ECT2L: variants seen among roughly 807,000 people sequenced by gnomAD.
ECT2L encodes epithelial cell-transforming sequence 2 oncogene-like.
In ECT2L, 126 loss-of-function variants were observed where a neutral mutation model predicts 122.8. The ratio of observed to expected loss-of-function variants is 1.03; its 90% confidence interval spans 0.89 to 1.19. The LOEUF is 1.19. Among genes scored for constraint, ECT2L ranks in the 50% most tolerant of loss-of-function variants. ECT2L has a pLI of 0.00. For synonymous variants in ECT2L, 385 were observed against 381.8 expected, an observed-to-expected ratio of 1.01 and a Z score of -0.10; for missense variants, 1,012 against 1,064.1, an observed-to-expected ratio of 0.95 and a Z score of 0.68.
chr6:138,804,857 T>C (rs184185898), intron 1 of ECT2L, among the ~76,000 whole-genome samples: 7 of 152,310 alleles, frequency 4.6e-5, no homozygotes, highest in Non-Finnish European at 5.9e-5. Flanking sequence ...AACTTCTTGA[T>C]TGAAATACAG....
intron 4 of ECT2L, among the ~76,000 whole-genome samples, chr6:138,831,513 T>A (rs1776647503): frequency 6.6e-6 from 1 of 152,170 alleles, no homozygotes; most frequent in Non-Finnish European, 1.5e-5. Flanking sequence ...GACATTGCCA[T>A]CTACCTAGGA....
At chr6:138,838,184 G>A (rs974394394) in intron 4 of ECT2L, among the ~76,000 whole-genome samples, 168 bp from the exon 5 acceptor site, 2 of 152,170 alleles carry the variant, frequency 1.3e-5, no homozygotes, top group Admixed American at 6.5e-5. Context: ...TTACAAGCAT[G>A]AGCCACGGCA....
At chr6:138,819,107 T>G (rs539292266) in intron 4 of ECT2L, among the ~76,000 whole-genome samples, 2 of 152,236 alleles carry the variant, frequency 1.3e-5, no homozygotes, top group Non-Finnish European at 2.9e-5. Flanking sequence ...TCATCTTCAC[T>G]TCCTTCCCCT....
intron 4 of ECT2L, chr6:138,823,129 A>G: frequency 6.8e-7 from 1 of 1,460,490 alleles, no homozygotes. Flanking sequence ...TCTGGAATGC[A>G]GTTTCTGGCT....
At chr6:138,848,212 C>T (rs1458014623) in intron 8 of ECT2L, among the ~76,000 whole-genome samples, 1 of 152,110 alleles carries the variant, frequency 6.6e-6, no homozygotes, top group African/African-American at 2.4e-5. Flanking sequence ...CAAAGCCAAA[C>T]CATATCAGTG....
intron 20 of ECT2L, among the ~76,000 whole-genome samples, chr6:138,896,717 G>A (rs979774070): frequency 1.3e-5 from 2 of 152,038 alleles, no homozygotes; most frequent in African/African-American, 2.4e-5. Context: ...GCGTGATCTC[G>A]GCTCACTGCA....
intron 20 of ECT2L, among the ~76,000 whole-genome samples, chr6:138,890,492 C>CTTTTTTTT (rs552594959): frequency 0.015 from 1,200 of 78,844 alleles, 108 homozygotes; most frequent in South Asian, 0.025. Context: ...TTTCTTTGAT[C>CTTTTTTTT]TTTTTTTTTT....
At chr6:138,893,990 G>A (rs1185090473) in intron 20 of ECT2L, among the ~76,000 whole-genome samples, 1 of 152,204 alleles carries the variant, frequency 6.6e-6, no homozygotes, top group African/African-American at 2.4e-5. Context: ...AAAAGCTGTT[G>A]ATTCTGAGTT....
At chr6:138,847,291 A>C (rs1419027833) in intron 8 of ECT2L, among the ~76,000 whole-genome samples, 1 of 147,256 alleles carries the variant, frequency 6.8e-6, no homozygotes, top group African/African-American at 2.5e-5. Context: ...ACAAACAAAA[A>C]CCCCAGAAGC....
At chr6:138,858,243 A>T (rs538717833) in intron 10 of ECT2L, among the ~76,000 whole-genome samples, 6 of 152,194 alleles carry the variant, frequency 3.9e-5, no homozygotes, top group African/African-American at 1.4e-4. Context: ...TCTAATTCCC[A>T]CTTGGAATCT....
Position 138,843,191 on chromosome 6 carries a change from C to T in ECT2L, c.555C>T (p.Cys185=). 1.9e-6 allele frequency: 3 copies of T among 1,610,460 alleles called. No individual in the cohort carries two copies. Among genetic ancestry groups the T allele is most frequent in the Non-Finnish European group, 2.5e-6 (3 of 1,178,244 alleles). ...TACTGGAGAGACAAAGAGAAAAGTG[C>T]CTGAGGAAAAGAATTTGGGAGAAAA... ...EELLERQREK[C]LRKRIWEKIA... The change falls in exon 6 of 22, where the codon TGC becomes TGT. Residue 185 remains cysteine, a synonymous_variant. Coordinates refer to ENST00000541398, the MANE Select transcript of ECT2L (RefSeq NM_001077706.3).
At chr6:138,859,659 A>G (rs1777747880) in intron 10 of ECT2L, among the ~76,000 whole-genome samples, 2 of 151,906 alleles carry the variant, frequency 1.3e-5, no homozygotes, top group African/African-American at 4.8e-5. Context: ...TCATGTGCTT[A>G]TTTGCCATTC....
intron 4 of ECT2L, among the ~76,000 whole-genome samples, chr6:138,834,641 A>G (rs1486587505): frequency 2.6e-5 from 4 of 152,174 alleles, no homozygotes; most frequent in African/African-American, 9.7e-5. Flanking sequence ...CAAGTAAATG[A>G]GAGTAAAACT....
At position 138,853,171 on chromosome 6, in the gene ECT2L, T is replaced by C. The variant is rs920875398; in HGVS notation, c.1070-855T>C. ...TTAGTAGAGATGGGGTTTCACCATA[T>C]TGGCCAGGCTGATCTCAAACTCCTG... On this transcript the variant is annotated intron_variant, in intron 9 of 21. Coordinates refer to ENST00000541398, the MANE Select transcript of ECT2L (RefSeq NM_001077706.3). Among the ~76,000 whole-genome samples the C allele has an allele frequency of 2.0e-5, 3 of 152,266 alleles. No individual in the cohort carries two copies. In the East Asian group the frequency reaches 5.8e-4, roughly 29 times the overall value.
intron 10 of ECT2L, among the ~76,000 whole-genome samples, chr6:138,857,296 C>T (rs1364276805): frequency 1.3e-5 from 2 of 152,184 alleles, no homozygotes; most frequent in Non-Finnish European, 2.9e-5. Context: ...GACTTGAGCG[C>T]GCATCCATAT....
chr6:138,893,296 T>C (rs1180396044), intron 20 of ECT2L, among the ~76,000 whole-genome samples: 1 of 151,848 alleles, frequency 6.6e-6, no homozygotes, highest in Non-Finnish European at 1.5e-5. Context: ...AAAGTCCCAG[T>C]TGGTTAGGTT....
intron 20 of ECT2L, among the ~76,000 whole-genome samples, chr6:138,895,234 T>C (rs1450030944): frequency 6.6e-6 from 1 of 152,188 alleles, no homozygotes; most frequent in Non-Finnish European, 1.5e-5. Flanking sequence ...CTACCAGGAA[T>C]TTTTACTTAG....
intron 5 of ECT2L, among the ~76,000 whole-genome samples, chr6:138,840,120 C>A (rs368182449): frequency 2.0e-5 from 3 of 151,900 alleles, no homozygotes; most frequent in Non-Finnish European, 4.4e-5. Flanking sequence ...TAAAAATTCA[C>A]GAGGAAACAT....
In ECT2L at chr6:138,888,968, T is replaced by C; in HGVS notation, c.2351T>C (p.Leu784Pro). 1.3e-6 allele frequency: 2 copies of C among 1,509,700 alleles called. No homozygotes were observed. Among genetic ancestry groups the C allele is most frequent in the South Asian group, 1.4e-5 (1 of 72,694 alleles). 93.5% of individuals were successfully genotyped at this position (1,509,700 alleles called of 1,614,324 possible). A position where few individuals can be genotyped will look rare whatever the true frequency, so the allele number is the denominator to read the frequency against. Reference sequence around the variant, plus strand: ...ACTCTATCAGAAGTAAACAGATATCTGATTAGGGTACAAGATGTAGCCCAA... The same window carrying C: ...ACTCTATCAGAAGTAAACAGATATCCGATTAGGGTACAAGATGTAGCCCAA... Reference protein sequence around the residue: ...CPTLSEVNRYLIRVQDVAQLH... With the variant: ...CPTLSEVNRYPIRVQDVAQLH... Residue 784 changes from leucine (L) to proline (P), a missense_variant, in exon 20 of 22, where the codon CTG becomes CCG. Leu to Pro is a moderately conservative substitution (Grantham distance 98, BLOSUM62 -3). Transcript: ENST00000541398.
Sources: allele counts gnomAD v4.1 joint callset (sites outside exome capture counted in the v4.1 genomes callset), GRCh38; gene constraint gnomAD v4.1.1; transcripts MANE v1.5; gene names NCBI Gene and HGNC (gene_info 2026-07-23, HGNC 2026-07-21).